MT3: variants seen among roughly 807,000 people sequenced by gnomAD.
MT3 encodes metallothionein 3, also known as metallothionein-3.
Under a neutral mutation model 10.9 loss-of-function variants are expected in MT3, and 8 were observed. The observed-to-expected ratio is 0.73, with a 90% CI of 0.43 to 1.33. The LOEUF is 1.33. MT3 is among the 40% of genes most tolerant of loss of function. The probability of loss-of-function intolerance (pLI) is 0.01; values close to 1 mark genes in which losing one functional copy is unlikely to be tolerated. For synonymous variants in MT3, 32 were observed against 29.9 expected, an observed-to-expected ratio of 1.07 and a Z score of -0.23; for missense variants, 75 against 83.9, an observed-to-expected ratio of 0.89 and a Z score of 0.41.
At chr16:56,590,765 C>T (rs1470238049) in intron 2 of MT3, 75 bp from the exon 3 acceptor site, 1 of 1,458,494 alleles carries the variant, frequency 6.9e-7, no homozygotes. Context: ...CACCCAGCAC[C>T]CTTCCCTCCC....
chr16:56,591,043 C>T lies in MT3; in HGVS notation c.*94C>T. On this transcript the variant is annotated 3_prime_UTR_variant, in exon 3 of 3. Coordinates refer to ENST00000200691, the MANE Select transcript of MT3 (RefSeq NM_005954.4). ...TGAAGTGTGGCTGGTGTCCCCTTCC[C>T]CTGCTGACCTTGGAGGAATGACAAT... is the stretch of plus-strand genomic sequence containing the variant. 2 of 989,480 alleles carry T rather than the reference C, an allele frequency of 2.0e-6. No homozygotes were observed. Among genetic ancestry groups the T allele is most frequent in the Admixed American group, 4.0e-5 (2 of 50,288 alleles). The allele number at this position is 989,480 out of a possible 1,614,324, so 61.3% of individuals were successfully genotyped here.
chr16:56,589,709 A>C (rs552525241), intron 1 of MT3, 88 bp downstream of exon 1: 2 of 1,594,174 alleles, frequency 1.3e-6, no homozygotes, highest in Non-Finnish European at 1.7e-6. Flanking sequence ...GCTCAAGGAC[A>C]CTTGGGGGAA....
In MT3 at chr16:56,589,535, G is replaced by GC. The variant is rs770622388; in HGVS notation, c.-55dup. The GC allele has an allele frequency of 6.6e-7, 1 of 1,515,894 alleles. No homozygotes were observed. The highest frequency in any genetic ancestry group is 2.2e-5 in the Admixed American group (1 of 45,792). The allele number at this position is 1,515,894 out of a possible 1,614,324, so 93.9% of individuals were successfully genotyped here. A position where few individuals can be genotyped will look rare whatever the true frequency, so the allele number is the denominator to read the frequency against. On this transcript the variant is annotated 5_prime_UTR_variant, in exon 1 of 3. Coordinates refer to ENST00000200691, the MANE Select transcript of MT3 (RefSeq NM_005954.4). The stretch of plus-strand genomic sequence containing the variant: ...CACCTGCTGCCACTAGCCAAGCCGC[G>GC]CGTCCAGTTGCTTGGAGAAGCCCGT...
At position 56,591,001 on chromosome 16, in the gene MT3, G is replaced by C. The variant is rs1959815848; in HGVS notation, c.*52G>C. 1 of 1,475,770 alleles carries C rather than the reference G, an allele frequency of 6.8e-7. No individual in the cohort carries two copies. The highest frequency in any genetic ancestry group is 1.8e-5 in the Admixed American group (1 of 55,002). The allele number at this position is 1,475,770 out of a possible 1,614,324, so 91.4% of individuals were successfully genotyped here. A position where few individuals can be genotyped will look rare whatever the true frequency, so the allele number is the denominator to read the frequency against. ...TGGAGATAGTGCCAGGTGGCTCAGT[G>C]CCACCTATGCCTGTGGTGAAGTGTG... On this transcript the variant is annotated 3_prime_UTR_variant, in exon 3 of 3. Coordinates refer to ENST00000200691, the MANE Select transcript of MT3 (RefSeq NM_005954.4).
At chr16:56,589,970 C>T (rs776637815) in intron 2 of MT3, 35 bp downstream of exon 2, 14 of 1,609,036 alleles carry the variant, frequency 8.7e-6, no homozygotes, top group Non-Finnish European at 1.1e-5. Context: ...TGCCGCCGCC[C>T]CCTCTGCTCT....
At chr16:56,590,535 T>C in intron 2 of MT3, 1 of 449,372 alleles carries the variant, frequency 2.2e-6, no homozygotes, top group Non-Finnish European at 4.1e-6. Flanking sequence ...CCTGTGATGC[T>C]TTCTCCTTAA....
Position 56,589,581 on chromosome 16 carries a change from TCTC to T in MT3, c.-6_-4del. The T allele has an allele frequency of 1.9e-6, 3 of 1,570,210 alleles. No homozygotes were observed. The highest frequency in any genetic ancestry group is 2.6e-6 in the Non-Finnish European group (3 of 1,160,140). On this transcript the variant is annotated 5_prime_UTR_variant, in exon 1 of 3. Transcript: ENST00000200691. ...CCCGTTCACCGCCTCCAGCTGCTGCTCTCCTCGACATGGACCCTGAGACCTGCC... is the reference window on the plus strand; with the variant it reads ...CCCGTTCACCGCCTCCAGCTGCTGCTCTCGACATGGACCCTGAGACCTGCC...
chr16:56,590,117 A>G (rs1168379302), intron 2 of MT3, 182 bp downstream of exon 2: 13 of 726,888 alleles, frequency 1.8e-5, no homozygotes, highest in Admixed American at 6.0e-5. Context: ...CCAGGAATTG[A>G]TGGCCTAGGC....
At chr16:56,589,811 C>T in intron 1 of MT3, 59 bp from the exon 2 acceptor site, 1 of 1,599,122 alleles carries the variant, frequency 6.3e-7, no homozygotes, top group Non-Finnish European at 8.6e-7. Flanking sequence ...CTCCTCGTGA[C>T]AGGCGTGGGG....
At position 56,591,033 on chromosome 16, in the gene MT3, G is replaced by A. The variant is rs1959816358; in HGVS notation, c.*84G>A. The A allele has an allele frequency of 8.8e-7, 1 of 1,141,586 alleles. No homozygotes were observed. The highest frequency in any genetic ancestry group is 1.5e-5 in the African/African-American group (1 of 65,608). The allele number at this position is 1,141,586 out of a possible 1,614,324, so 70.7% of individuals were successfully genotyped here. Reference sequence around the variant, plus strand: ...ATGCCTGTGGTGAAGTGTGGCTGGTGTCCCCTTCCCCTGCTGACCTTGGAG... The same window carrying A: ...ATGCCTGTGGTGAAGTGTGGCTGGTATCCCCTTCCCCTGCTGACCTTGGAG... On this transcript the variant is annotated 3_prime_UTR_variant, in exon 3 of 3. Transcript: ENST00000200691.
At chr16:56,589,848 C>G (rs45486094) in intron 1 of MT3, 22 bp from the exon 2 acceptor site, 1 of 1,613,708 alleles carries the variant, frequency 6.2e-7, no homozygotes, top group African/African-American at 1.3e-5. Context: ...ATTAACCCTT[C>G]CTGTGGCGTC....
At chr16:56,590,385 G>A (rs1959808784) in intron 2 of MT3, 3 of 509,458 alleles carry the variant, frequency 5.9e-6, no homozygotes, top group African/African-American at 3.8e-5. Context: ...AGAGGTGGGA[G>A]GAAGGCTCCC....
chr16:56,589,692 C>A, intron 1 of MT3, 71 bp downstream of exon 1: 3 of 1,601,680 alleles, frequency 1.9e-6, no homozygotes, highest in Non-Finnish European at 2.6e-6. Context: ...CCACGCCCTG[C>A]GCCTTCGCTC....
intron 2 of MT3, 90 bp from the exon 3 acceptor site, chr16:56,590,750 C>G (rs1482543269): frequency 7.7e-7 from 1 of 1,300,592 alleles, no homozygotes. Flanking sequence ...ACCAGGATGA[C>G]TCCCCACCCA....
Position 56,589,586 on chromosome 16 carries a change from T to A in MT3, c.-5T>A. ...TCACCGCCTCCAGCTGCTGCTCTCC[T>A]CGACATGGACCCTGAGACCTGCCCC... On this transcript the variant is annotated 5_prime_UTR_variant, in exon 1 of 3. Coordinates refer to ENST00000200691, the MANE Select transcript of MT3 (RefSeq NM_005954.4). 6.3e-7 allele frequency: 1 copy of A among 1,581,954 alleles called. No individual in the cohort carries two copies. The highest frequency in any genetic ancestry group is 1.1e-5 in the South Asian group (1 of 87,912).
intron 1 of MT3, 61 bp from the exon 2 acceptor site, chr16:56,589,809 G>A: frequency 6.3e-7 from 1 of 1,599,416 alleles, no homozygotes; most frequent in Non-Finnish European, 8.6e-7. Context: ...ATCTCCTCGT[G>A]ACAGGCGTGG....
At position 56,590,506 on chromosome 16, in the gene MT3, C is replaced by T. The variant is rs1597054147; in HGVS notation, c.98-334C>T. The T allele has an allele frequency of 4.0e-5, 17 of 430,106 alleles. No individual in the cohort carries two copies. The East Asian group carries it at 6.8e-4, about 17-fold the overall frequency. 26.6% of individuals were successfully genotyped at this position (430,106 alleles called of 1,614,324 possible). A position where few individuals can be genotyped will look rare whatever the true frequency, so the allele number is the denominator to read the frequency against. Reference sequence around the variant, plus strand: ...CCCTCCCAAGTTTATCCTTTGAGGCCCCTTTCAAGGTCGTTTACCCTGTGA... The same window carrying T: ...CCCTCCCAAGTTTATCCTTTGAGGCTCCTTTCAAGGTCGTTTACCCTGTGA... On this transcript the variant is annotated intron_variant, in intron 2 of 2. Coordinates refer to ENST00000200691, the MANE Select transcript of MT3 (RefSeq NM_005954.4).
chr16:56,590,942 G>A lies in MT3; in HGVS notation c.200G>A (p.Cys67Tyr), dbSNP rs142343514. Residue 67 changes from cysteine (C) to tyrosine (Y), a missense_variant, in exon 3 of 3, where the codon TGC (cysteine) becomes TAC (tyrosine). By Grantham distance (194) the Cys-to-Tyr change is radical (BLOSUM62 -2). Transcript: ENST00000200691. ...AEAEAEKCSCCQ is the reference protein window; with the variant it reads ...AEAEAEKCSCYQ ...GCAGAAGCAGAGAAGTGCAGCTGCTGCCAGTGAGAAGGCACCCCTCCGTGT... is the reference window on the plus strand; with the variant it reads ...GCAGAAGCAGAGAAGTGCAGCTGCTACCAGTGAGAAGGCACCCCTCCGTGT... 1,862 of 1,613,238 alleles carry A rather than the reference G, an allele frequency of 1.2e-3. 7 individuals carry two copies. The highest frequency in any genetic ancestry group is 1.3e-3 in the Middle Eastern group (8 of 6,058).
chr16:56,590,205 C>A, intron 2 of MT3: 1 of 622,626 alleles, frequency 1.6e-6, no homozygotes, highest in Non-Finnish European at 2.9e-6. Flanking sequence ...CTGGTCCAAC[C>A]TTTCCCGACC....
Sources: gnomAD v4.1 joint callset for allele counts on GRCh38, gnomAD v4.1.1 for gene constraint, MANE v1.5 for transcripts, NCBI Gene and HGNC (gene_info 2026-07-23, HGNC 2026-07-21) for gene names.